Variants in KIF13A observed in about 807,000 individuals in gnomAD.
KIF13A encodes the protein kinesin family member 13A.
In KIF13A, 79 loss-of-function variants were observed where a neutral mutation model predicts 212.2. The observed-to-expected ratio is 0.37, with a 90% CI of 0.31 to 0.45. The LOEUF (loss-of-function observed/expected upper bound fraction) is 0.45. Among genes scored for constraint, KIF13A ranks in the 20% least tolerant of loss-of-function variants. KIF13A has a pLI of 1.00. For missense variants in KIF13A, 1,901 were observed against 2,209.0 expected, an observed-to-expected ratio of 0.86 and a Z score of 2.79; for synonymous variants, 789 against 808.6, an observed-to-expected ratio of 0.98 and a Z score of 0.41.
In KIF13A at chr6:17,777,343, G is replaced by A. The variant is rs1351767490; in HGVS notation, c.4104C>T (p.Val1368=). The A allele has an allele frequency of 1.9e-6, 3 of 1,612,176 alleles. No individual in the cohort carries two copies. Among genetic ancestry groups the A allele is most frequent in the Non-Finnish European group, 2.5e-6 (3 of 1,178,904 alleles). ...SLERLRQAVT[V]KEALSTKARH... Reference sequence around the variant, plus strand: ...GGGCTTTGGTGGAAAGTGCTTCTTTGACTGTGACGGCCTGTAAACATAATA... The same window carrying A: ...GGGCTTTGGTGGAAAGTGCTTCTTTAACTGTGACGGCCTGTAAACATAATA... Residue 1368 remains valine (V), a synonymous_variant, in exon 34 of 39, where the codon GTC becomes GTT. Coordinates refer to ENST00000259711, the MANE Select transcript of KIF13A (RefSeq NM_022113.6). This position sits in a 1 kb window ranked among gnomAD's most constrained non-coding sequence, Gnocchi z 4.4.
At chr6:17,813,338 G>A (rs1763603867) in intron 17 of KIF13A, among the ~76,000 whole-genome samples, 1 of 152,060 alleles carries the variant, frequency 6.6e-6, no homozygotes, top group African/African-American at 2.4e-5. Flanking sequence ...AAATTAGCCA[G>A]GTATTGTGGT....
At position 17,771,103 on chromosome 6, in the gene KIF13A, C is replaced by T. The variant is rs1373992813; in HGVS notation, c.4581+11G>A. ...ACCAGGCAATATGACAGAAATGGTT[C>T]CGGAACTTACAATCTTCTTCTCACG... On this transcript the variant is annotated intron_variant, in intron 38 of 38. Coordinates refer to ENST00000259711, the MANE Select transcript of KIF13A (RefSeq NM_022113.6). The surrounding 1 kb of genome is among the most constrained non-coding windows in gnomAD (Gnocchi z 5.4). 1 of 1,582,490 alleles carries T rather than the reference C, an allele frequency of 6.3e-7. No homozygotes were observed. The highest frequency in any genetic ancestry group is 1.7e-5 in the Admixed American group (1 of 58,728).
chr6:17,760,174 C>T (rs954457550), downstream of KIF13A: 1 of 152,150 alleles, frequency 6.6e-6, no homozygotes. Context: ...CATGTTCACA[C>T]AAAAGAGTGG....
At chr6:17,853,275 C>T (rs926004455) in intron 6 of KIF13A, among the ~76,000 whole-genome samples, 1 of 152,118 alleles carries the variant, frequency 6.6e-6, no homozygotes, top group African/African-American at 2.4e-5. Context: ...ATCCAGTACA[C>T]AGCTTACTCT....
Position 17,804,366 on chromosome 6 carries a change from C to A in KIF13A, c.2449G>T (p.Gly817Trp). ...QYAVPIISQQ[G>W]EVAGRLHVEV... ...CAAGGCTGGCCTGTGCTTACCTCCC[C>A]CTGCTGGCTGATGATAGGGACTGCA... Residue 817 changes from glycine to tryptophan, a missense_variant, in exon 20 of 39, where the codon GGG becomes TGG. Coordinates refer to ENST00000259711, the MANE Select transcript of KIF13A (RefSeq NM_022113.6). 6.5e-7 allele frequency: 1 copy of A among 1,540,472 alleles called. No homozygotes were observed.
intron 2 of KIF13A, among the ~76,000 whole-genome samples, chr6:17,924,721 G>A (rs1775350659): frequency 1.3e-5 from 2 of 152,248 alleles, no homozygotes; most frequent in African/African-American, 4.8e-5. Flanking sequence ...GATGAGAAGG[G>A]GCAAGACAGA....
At position 17,832,204 on chromosome 6, in the gene KIF13A, G is replaced by A. The variant is rs187485740; in HGVS notation, c.1267-969C>T. On this transcript the variant is annotated intron_variant, in intron 12 of 38. Transcript: ENST00000259711. ...ATGATCAATGAGATTAAAAATGTTC[G>A]TGAAATATATAATGTAGAGAAATTC... Among the ~76,000 whole-genome samples, 754 of 152,152 alleles carry A rather than the reference G, an allele frequency of 5.0e-3. 6 individuals carry two copies. Among genetic ancestry groups the A allele is most frequent in the African/African-American group, 0.017 (720 of 41,478 alleles).
At chr6:17,977,598 G>A (rs373357655) in intron 2 of KIF13A, among the ~76,000 whole-genome samples, 1 of 152,292 alleles carries the variant, frequency 6.6e-6, no homozygotes, top group East Asian at 1.9e-4. Flanking sequence ...GTAAGTGGGA[G>A]AAAAGCAAAA....
chr6:17,987,433 G>A lies in KIF13A; in HGVS notation c.31C>T (p.Arg11Trp). The A allele has an allele frequency of 7.4e-7, 1 of 1,349,460 alleles. No homozygotes were observed. Among genetic ancestry groups the A allele is most frequent in the Non-Finnish European group, 9.8e-7 (1 of 1,020,194 alleles). 83.6% of individuals were successfully genotyped at this position (1,349,460 alleles called of 1,614,324 possible). A position where few individuals can be genotyped will look rare whatever the true frequency, so the allele number is the denominator to read the frequency against. MSDTKVKVAV[R>W]VRPMNRRELE... Reference sequence around the variant, plus strand: ...CCTCGTCGGTTCATGGGCCGGACCCGGACGGCAACTTTTACCTTGGTATCC... The same window carrying A: ...CCTCGTCGGTTCATGGGCCGGACCCAGACGGCAACTTTTACCTTGGTATCC... Residue 11 changes from arginine (R) to tryptophan (W), a missense_variant, in exon 1 of 39, where the codon CGG (arginine) becomes TGG (tryptophan). By Grantham distance (101) the Arg-to-Trp change is moderately radical. Coordinates refer to ENST00000259711, the MANE Select transcript of KIF13A (RefSeq NM_022113.6). This position sits in a 1 kb window ranked among gnomAD's most constrained non-coding sequence, Gnocchi z 7.7.
chr6:17,839,795 C>T lies in KIF13A; in HGVS notation c.831-2212G>A, dbSNP rs1194668766. On this transcript the variant is annotated intron_variant, in intron 9 of 38. Transcript: ENST00000259711. The surrounding 1 kb of genome is among the most constrained non-coding windows in gnomAD (Gnocchi z 4.3). ...GATGCATCTACAAGACAGGGAACGC[C>T]GAGGATTGATGGCCCTACAGAAACA... Among the ~76,000 whole-genome samples, 1 of 152,016 alleles carries T rather than the reference C, an allele frequency of 6.6e-6. No individual in the cohort carries two copies. The highest frequency in any genetic ancestry group is 1.5e-5 in the Non-Finnish European group (1 of 67,994).
rs1014562424 is a variant in KIF13A at position 17,881,382 on chromosome 6, A to G, written c.160-7945T>C. 7.6e-6 allele frequency: 3 copies of G among 394,958 alleles called. No individual in the cohort carries two copies. In the Admixed American group the frequency reaches 9.9e-5, roughly 13 times the overall value. The allele number at this position is 394,958 out of a possible 1,614,324, so 24.5% of individuals were successfully genotyped here. A position where few individuals can be genotyped will look rare whatever the true frequency, so the allele number is the denominator to read the frequency against. ...CTTACGAATAGGATGTAGTACAGTTAAACTCCACTTTTACTTAAAAGTCAT... is the reference window on the plus strand; with the variant it reads ...CTTACGAATAGGATGTAGTACAGTTGAACTCCACTTTTACTTAAAAGTCAT... On this transcript the variant is annotated intron_variant, in intron 3 of 38. Transcript: ENST00000259711.
In KIF13A at chr6:17,834,837, T is replaced by C. The variant is rs1765779722; in HGVS notation, c.1156-766A>G. ...GATCTGGAAGCTAGCTGAGTATGCC[T>C]GAGGCTCATGGTATTAACAGAGCCT... On this transcript the variant is annotated intron_variant, in intron 11 of 38. Transcript: ENST00000259711. This position sits in a 1 kb window ranked among gnomAD's most constrained non-coding sequence, Gnocchi z 4.0. Among the ~76,000 whole-genome samples the C allele has an allele frequency of 6.6e-6, 1 of 152,154 alleles. No homozygotes were observed. Among genetic ancestry groups the C allele is most frequent in the African/African-American group, 2.4e-5 (1 of 41,440 alleles).
rs1763457907 is a variant in KIF13A, at chr6:17,811,853, C to G, written c.2001-2923G>C. ...TCCCTTTTTCTTTCTTTCCTTCTCT[C>G]TCTCTCTTTTTCTTGGAGATAGGGT... On this transcript the variant is annotated intron_variant, in intron 17 of 38. Transcript: ENST00000259711. The surrounding 1 kb of genome is among the most constrained non-coding windows in gnomAD (Gnocchi z 6.0). Among the ~76,000 whole-genome samples the G allele has an allele frequency of 6.6e-6, 1 of 151,150 alleles. No homozygotes were observed. The highest frequency in any genetic ancestry group is 2.4e-5 in the African/African-American group (1 of 41,104).
Position 17,825,646 on chromosome 6 carries a change from G to T in KIF13A, c.1786+122C>A. The T allele has an allele frequency of 2.3e-6, 2 of 857,298 alleles. No homozygotes were observed. Among genetic ancestry groups the T allele is most frequent in the Non-Finnish European group, 3.6e-6 (2 of 551,992 alleles). The allele number at this position is 857,298 out of a possible 1,614,324, so 53.1% of individuals were successfully genotyped here. The stretch of plus-strand genomic sequence containing the variant: ...TTCACTGATGGCCTTTTAAAGAAAT[G>T]AGCAGTTTTATGTGTTTAAAATGTG... On this transcript the variant is annotated intron_variant, in intron 16 of 38. Coordinates refer to ENST00000259711, the MANE Select transcript of KIF13A (RefSeq NM_022113.6). This position sits in a 1 kb window ranked among gnomAD's most constrained non-coding sequence, Gnocchi z 4.5.
chr6:17,783,659 G>T lies in KIF13A; in HGVS notation c.3531C>A (p.Phe1177Leu). 1 of 1,579,688 alleles carries T rather than the reference G, an allele frequency of 6.3e-7. No homozygotes were observed. The highest frequency in any genetic ancestry group is 8.6e-7 in the Non-Finnish European group (1 of 1,158,782). The change falls in exon 29 of 39, where the codon TTC becomes TTA. Residue 1177 changes from phenylalanine (F) to leucine (L), a missense_variant. By Grantham distance (22) the Phe-to-Leu change is conservative. Coordinates refer to ENST00000259711, the MANE Select transcript of KIF13A (RefSeq NM_022113.6). This position sits in a 1 kb window ranked among gnomAD's most constrained non-coding sequence, Gnocchi z 4.3. ...PGMETHIPVL[F>L]LDLNADDLSA... The stretch of plus-strand genomic sequence containing the variant: ...GTGTCTACTTACCATTCAAATCGAG[G>T]AAGAGAACTGGTATGTGGGTTTCCA...
Position 17,898,370 on chromosome 6 carries a change from TAAACTC to T in KIF13A, c.147-196_147-191del, listed in dbSNP as rs1772763238. On this transcript the variant is annotated intron_variant, in intron 2 of 38. Transcript: ENST00000259711. The surrounding 1 kb of genome is among the most constrained non-coding windows in gnomAD (Gnocchi z 5.2). Reference sequence around the variant, plus strand: ...TCAAACACATTACTGAATGAAGTGATAAACTCAATATTTGCTCAAAAACATGGTATG... The same window carrying T: ...TCAAACACATTACTGAATGAAGTGATAATATTTGCTCAAAAACATGGTATG... Among the ~76,000 whole-genome samples the T allele has an allele frequency of 6.6e-6, 1 of 152,216 alleles. No individual in the cohort carries two copies. Among genetic ancestry groups the T allele is most frequent in the African/African-American group, 2.4e-5 (1 of 41,456 alleles).
Position 17,852,142 on chromosome 6 carries a change from AT to A in KIF13A, c.495-101del, listed in dbSNP as rs958436544. On this transcript the variant is annotated intron_variant, in intron 6 of 38. Coordinates refer to ENST00000259711, the MANE Select transcript of KIF13A (RefSeq NM_022113.6). Reference sequence around the variant, plus strand: ...TAACTAAGATAACAATTTCAAAAGAATTTTTAAATGACTCCTCCCCCCAACA... The same window carrying A: ...TAACTAAGATAACAATTTCAAAAGAATTTTAAATGACTCCTCCCCCCAACA... 1.5e-4 allele frequency: 76 copies of A among 514,874 alleles called. 1 individual carries two copies. Among genetic ancestry groups the A allele is most frequent in the African/African-American group, 1.2e-3 (58 of 50,330 alleles). The allele number at this position is 514,874 out of a possible 1,614,324, so 31.9% of individuals were successfully genotyped here. A position where few individuals can be genotyped will look rare whatever the true frequency, so the allele number is the denominator to read the frequency against.
At chr6:17,920,236 T>C (rs114211949) in intron 2 of KIF13A, among the ~76,000 whole-genome samples, 2,051 of 152,154 alleles carry the variant, frequency 0.013, 51 homozygotes, top group African/African-American at 0.047. Flanking sequence ...AAACCTGTCA[T>C]GAAACATGTC....
At chr6:17,946,887 A>C (rs1295108063) in intron 2 of KIF13A, among the ~76,000 whole-genome samples, 2 of 152,244 alleles carry the variant, frequency 1.3e-5, no homozygotes, top group African/African-American at 4.8e-5. Context: ...ACGTGCATCA[A>C]CACGGACAAA....
Sources: gnomAD v4.1 joint callset for allele counts (sites outside exome capture counted in the v4.1 genomes callset) on GRCh38, gnomAD v4.1.1 for gene constraint, Gnocchi (gnomAD v3.1) non-coding constraint, MANE v1.5 for transcripts, NCBI Gene and HGNC (gene_info 2026-07-23, HGNC 2026-07-21) for gene names.